Variants in VGLL3 observed in about 807,000 individuals in gnomAD.
VGLL3 encodes transcription cofactor vestigial-like protein 3.
A neutral mutation model predicts 29.2 loss-of-function variants in VGLL3; 18 were observed. That is an observed-to-expected ratio of 0.62 (90% CI 0.43 to 0.91). The LOEUF (loss-of-function observed/expected upper bound fraction) is 0.91, where lower values mean the gene tolerates loss of function less well. Ranked by LOEUF, VGLL3 falls within the 40% of genes least tolerant of loss-of-function variation. The probability of loss-of-function intolerance (pLI) is 0.00; values close to 1 mark genes in which losing one functional copy is unlikely to be tolerated. For missense variants in VGLL3, 440 were observed against 413.2 expected (o/e 1.06, Z -0.56); for synonymous variants, 180 against 151.8 (o/e 1.19, Z -1.36).
intron 1 of VGLL3, 77 bp from the exon 2 acceptor site, chr3:86,978,879 TA>T (rs1559732477): frequency 7.0e-7 from 1 of 1,431,804 alleles, no homozygotes; most frequent in East Asian, 2.4e-5. Flanking sequence ...TTCACTTTTT[TA>T]AAAAAAGAAT....
At chr3:86,976,437 G>C (rs1705212535) in intron 2 of VGLL3, among the ~76,000 whole-genome samples, 1 of 152,206 alleles carries the variant, frequency 6.6e-6, no homozygotes, top group South Asian at 2.1e-4. Context: ...GCCTTGGGCT[G>C]TCTCAGGACT....
intron 2 of VGLL3, among the ~76,000 whole-genome samples, chr3:86,977,463 C>A (rs1705233552): frequency 6.6e-6 from 1 of 152,166 alleles, no homozygotes; most frequent in Non-Finnish European, 1.5e-5. Context: ...AGGAATTACC[C>A]AGAGCCCTTG....
intron 3 of VGLL3, among the ~76,000 whole-genome samples, chr3:86,954,926 T>C (rs565443630): frequency 7.4e-6 from 1 of 135,894 alleles, no homozygotes; most frequent in East Asian, 2.4e-4. Flanking sequence ...CTTGGATCAC[T>C]TATTGTAACC....
At chr3:86,970,128 A>G (rs1247998103) in intron 2 of VGLL3, among the ~76,000 whole-genome samples, 1 of 152,186 alleles carries the variant, frequency 6.6e-6, no homozygotes, top group East Asian at 1.9e-4. Context: ...AATATCAAAG[A>G]ATAGCACTTA....
intron 3 of VGLL3, chr3:86,962,673 T>C: frequency 2.3e-6 from 2 of 854,920 alleles, no homozygotes; most frequent in Non-Finnish European, 2.8e-6. Context: ...ACCCCACAGT[T>C]CTACTCCTAG....
chr3:86,963,079 GA>G (rs1231467664), intron 3 of VGLL3: 4 of 186,730 alleles, frequency 2.1e-5, no homozygotes, highest in African/African-American at 9.6e-5. Context: ...TGGGAGATAA[GA>G]GTGAAACTCT....
At chr3:86,982,409 G>A (rs1705344869) in intron 1 of VGLL3, among the ~76,000 whole-genome samples, 1 of 150,706 alleles carries the variant, frequency 6.6e-6, no homozygotes, top group Non-Finnish European at 1.5e-5. Flanking sequence ...GCCTCCCAAA[G>A]TGCTGGGATT....
rs956382950 is a variant in VGLL3, at chr3:86,945,310, C to T, written c.*1714G>A. 1.8e-4 allele frequency: 27 copies of T among 152,102 alleles called. No homozygotes were observed. The highest frequency in any genetic ancestry group is 6.3e-4 in the African/African-American group (26 of 41,420). 9.4% of individuals were successfully genotyped at this position (152,102 alleles called of 1,614,324 possible). Reference sequence around the variant, plus strand: ...TATTTGAAAATTATCTATGAGAACTCTGCCTAGCTGAACATGTCATGTTCA... The same window carrying T: ...TATTTGAAAATTATCTATGAGAACTTTGCCTAGCTGAACATGTCATGTTCA... On this transcript the variant is annotated 3_prime_UTR_variant, in exon 4 of 4. Transcript: ENST00000398399.
chr3:86,938,605 T>C lies in VGLL3; in HGVS notation c.*8419A>G, dbSNP rs905981933. 6.6e-6 allele frequency: 1 copy of C among 152,664 alleles called. No individual in the cohort carries two copies. Among genetic ancestry groups the C allele is most frequent in the Non-Finnish European group, 1.5e-5 (1 of 68,038 alleles). 9.5% of individuals were successfully genotyped at this position (152,664 alleles called of 1,614,324 possible). A position where few individuals can be genotyped will look rare whatever the true frequency, so the allele number is the denominator to read the frequency against. ...CATTCAGTCACAGCCAAACTTGGTA[T>C]GGAAAGTAAAACAGTTGTGCTTGAG... On this transcript the variant is annotated 3_prime_UTR_variant, in exon 4 of 4. Coordinates refer to ENST00000398399, the MANE Select transcript of VGLL3 (RefSeq NM_016206.4).
chr3:86,971,796 C>A (rs1705107431), intron 2 of VGLL3, among the ~76,000 whole-genome samples: 1 of 152,150 alleles, frequency 6.6e-6, no homozygotes, highest in Non-Finnish European at 1.5e-5. Flanking sequence ...AAGCTTAAAA[C>A]CCATACAGAG....
At chr3:86,955,926 C>A (rs1190462245) in intron 3 of VGLL3, among the ~76,000 whole-genome samples, 1 of 152,086 alleles carries the variant, frequency 6.6e-6, no homozygotes, top group Non-Finnish European at 1.5e-5. Context: ...ATAAAAAATA[C>A]CTAGCATATT....
rs1486678283 is a variant in VGLL3 at position 86,942,901 on chromosome 3, T to A, written c.*4123A>T. The A allele has an allele frequency of 6.6e-6, 1 of 152,158 alleles. No individual in the cohort carries two copies. Among genetic ancestry groups the A allele is most frequent in the Non-Finnish European group, 1.5e-5 (1 of 68,030 alleles). 9.4% of individuals were successfully genotyped at this position (152,158 alleles called of 1,614,324 possible). A position where few individuals can be genotyped will look rare whatever the true frequency, so the allele number is the denominator to read the frequency against. ...GATATGGATGTGAAGAGAAGAGACC[T>A]TTGGGAGCTCAATTTAATGAACTAC... is the stretch of plus-strand genomic sequence containing the variant. On this transcript the variant is annotated 3_prime_UTR_variant, in exon 4 of 4. Transcript: ENST00000398399.
At chr3:86,974,715 C>T (rs1705173044) in intron 2 of VGLL3, among the ~76,000 whole-genome samples, 1 of 152,168 alleles carries the variant, frequency 6.6e-6, no homozygotes, top group Non-Finnish European at 1.5e-5. Context: ...TTGTTTGTAG[C>T]ATGGTAGCAC....
chr3:86,986,607 C>T (rs182436698), intron 1 of VGLL3, among the ~76,000 whole-genome samples: 354 of 152,208 alleles, frequency 2.3e-3, no homozygotes, highest in African/African-American at 8.2e-3. Context: ...TCCTTACTTA[C>T]AGTTGCAAGA....
Position 86,984,310 on chromosome 3 carries a change from T to C in VGLL3, c.127-5508A>G, listed in dbSNP as rs12107350. Among the ~76,000 whole-genome samples, 620 of 152,320 alleles carry C rather than the reference T, an allele frequency of 4.1e-3. 6 individuals carry two copies. Among genetic ancestry groups the C allele is most frequent in the African/African-American group, 0.014 (585 of 41,578 alleles). On this transcript the variant is annotated intron_variant, in intron 1 of 3. Coordinates refer to ENST00000398399, the MANE Select transcript of VGLL3 (RefSeq NM_016206.4). Reference sequence around the variant, plus strand: ...TCAGGATTCTGTGTTTGTTTCTCTGTTTTTGTTAACAGTAGGGAGGAGCCA... The same window carrying C: ...TCAGGATTCTGTGTTTGTTTCTCTGCTTTTGTTAACAGTAGGGAGGAGCCA...
chr3:86,967,475 A>G (rs2107013691), intron 3 of VGLL3, among the ~76,000 whole-genome samples: 1 of 152,322 alleles, frequency 6.6e-6, no homozygotes, highest in East Asian at 1.9e-4. Context: ...AACAATGGAA[A>G]GCTCAGTGGA....
At chr3:86,960,938 T>G (rs930807988) in intron 3 of VGLL3, among the ~76,000 whole-genome samples, 3 of 16,208 alleles carry the variant, frequency 1.9e-4, no homozygotes, top group African/African-American at 3.3e-4. Flanking sequence ...TTGTGATATA[T>G]ATATATATAT....
chr3:86,983,787 T>A (rs981355928), intron 1 of VGLL3, among the ~76,000 whole-genome samples: 2 of 152,200 alleles, frequency 1.3e-5, no homozygotes, highest in African/African-American at 4.8e-5. Flanking sequence ...AAGGAACATA[T>A]ATCACAAATC....
At chr3:86,977,162 G>A (rs1233579208) in intron 2 of VGLL3, among the ~76,000 whole-genome samples, 1 of 151,698 alleles carries the variant, frequency 6.6e-6, no homozygotes. Flanking sequence ...TCACTGTTTA[G>A]TGTTGTTTAT....
Sources: gnomAD v4.1 joint callset for allele counts (sites outside exome capture counted in the v4.1 genomes callset) on GRCh38, gnomAD v4.1.1 for gene constraint, MANE v1.5 for transcripts, NCBI Gene and HGNC (gene_info 2026-07-23, HGNC 2026-07-21) for gene names.